PTPRT: variants seen among roughly 807,000 people sequenced by gnomAD.
PTPRT encodes the protein receptor-type tyrosine-protein phosphatase T.
PTPRT carries 56 observed loss-of-function variants against 176.8 expected under a neutral mutation model. The ratio of observed to expected loss-of-function variants is 0.32; its 90% confidence interval spans 0.26 to 0.40. The LOEUF is 0.40. Ranked by LOEUF, PTPRT falls within the 10% of genes least tolerant of loss-of-function variation. The pLI is 1.00. For missense variants in PTPRT, 1,540 were observed against 1,908.2 expected, an observed-to-expected ratio of 0.81 and a Z score of 3.60; for synonymous variants, 783 against 739.0, an observed-to-expected ratio of 1.06 and a Z score of -0.96.
chr20:43,092,591 T>C (rs1007707839), intron 1 of PTPRT, among the ~76,000 whole-genome samples: 2 of 152,230 alleles, frequency 1.3e-5, no homozygotes, highest in Non-Finnish European at 2.9e-5. Flanking sequence ...GGCCCCTATG[T>C]GGTTGAGTGC....
intron 13 of PTPRT, among the ~76,000 whole-genome samples, chr20:42,255,301 T>C (rs927366628): frequency 2.6e-5 from 4 of 152,170 alleles, no homozygotes; most frequent in Non-Finnish European, 4.4e-5. Context: ...AATTAGAAAA[T>C]GCCAAGTTCA....
rs6016962 is a variant in PTPRT at position 43,122,115 on chromosome 20, G to C, written c.88+67531C>G. ...CATCCTCAGGGTTCCTGATTCAGTA[G>C]GGCTGCGGTTAGGCCTGGGAATTTG... On this transcript the variant is annotated intron_variant, in intron 1 of 30. Transcript: ENST00000373187. Among the ~76,000 whole-genome samples, 842 of 152,290 alleles carry C rather than the reference G, an allele frequency of 5.5e-3. 9 individuals are homozygous for C. Among genetic ancestry groups the C allele is most frequent in the African/African-American group, 0.019 (807 of 41,552 alleles).
At chr20:42,311,412 A>G (rs2057626909) in intron 12 of PTPRT, among the ~76,000 whole-genome samples, 1 of 152,210 alleles carries the variant, frequency 6.6e-6, no homozygotes, top group African/African-American at 2.4e-5. Context: ...CATAGAACAA[A>G]GATGTCCAGA....
At chr20:42,285,697 C>A (rs2057217701) in intron 12 of PTPRT, among the ~76,000 whole-genome samples, 1 of 150,556 alleles carries the variant, frequency 6.6e-6, no homozygotes, top group African/African-American at 2.4e-5. Context: ...AGCAACTGGG[C>A]AAGAGAAAAA....
chr20:42,221,712 GT>G (rs1304292880), intron 15 of PTPRT, among the ~76,000 whole-genome samples: 2 of 151,876 alleles, frequency 1.3e-5, no homozygotes, highest in Non-Finnish European at 2.9e-5. Context: ...TAGTGATGGG[GT>G]TTCATCATGT....
chr20:42,359,152 T>C (rs2058397668), intron 9 of PTPRT, among the ~76,000 whole-genome samples: 1 of 152,168 alleles, frequency 6.6e-6, no homozygotes, highest in African/African-American at 2.4e-5. Flanking sequence ...ACTCTGTTGT[T>C]TCATAAGCTC....
chr20:43,046,768 A>C (rs1272753182), intron 1 of PTPRT, among the ~76,000 whole-genome samples: 1 of 152,176 alleles, frequency 6.6e-6, no homozygotes, highest in Admixed American at 6.5e-5. Flanking sequence ...ACACTTGTTC[A>C]ACTAAAATGA....
intron 7 of PTPRT, among the ~76,000 whole-genome samples, chr20:42,567,453 A>T (rs2073062443): frequency 6.6e-6 from 1 of 152,184 alleles, no homozygotes; most frequent in Non-Finnish European, 1.5e-5. Flanking sequence ...CTTTGACATT[A>T]TCTCCATTAA....
At chr20:42,846,436 C>T (rs928070716) in intron 2 of PTPRT, among the ~76,000 whole-genome samples, 1 of 152,110 alleles carries the variant, frequency 6.6e-6, no homozygotes, top group Admixed American at 6.6e-5. Context: ...TGAGACTGGC[C>T]CCATCTGTAC....
intron 29 of PTPRT, 44 bp downstream of exon 29, chr20:42,084,638 C>T (rs1238352184): frequency 7.3e-7 from 1 of 1,362,422 alleles, no homozygotes. Context: ...GATGCTCTAT[C>T]ACCCACCACC....
chr20:42,392,095 C>T (rs1362104841), intron 9 of PTPRT, among the ~76,000 whole-genome samples: 1 of 152,172 alleles, frequency 6.6e-6, no homozygotes, highest in Admixed American at 6.5e-5. Context: ...TGCCAACTCC[C>T]TACCTCACAG....
intron 7 of PTPRT, among the ~76,000 whole-genome samples, chr20:42,520,232 A>G (rs2072145988): frequency 6.6e-6 from 1 of 152,122 alleles, no homozygotes; most frequent in Admixed American, 6.6e-5. Flanking sequence ...TGTAAAATAT[A>G]GTATAACTAT....
chr20:43,149,889 C>G (rs2014293222), intron 1 of PTPRT, among the ~76,000 whole-genome samples: 1 of 152,152 alleles, frequency 6.6e-6, no homozygotes, highest in Non-Finnish European at 1.5e-5. Context: ...TGCATTCATT[C>G]AAAGAGGAGA....
rs1991277307 is a variant in PTPRT, at chr20:42,197,492, C to T, written c.2491+1748G>A. The stretch of plus-strand genomic sequence containing the variant: ...CTGAAAACCAAATACAATGTGAGCG[C>T]TCTGATTGGATCCTGGATTAAAATA... On this transcript the variant is annotated intron_variant, in intron 16 of 30. Transcript: ENST00000373187. 2.7e-5 allele frequency among the ~76,000 whole-genome samples: 4 copies of T among 150,408 alleles called. No individual in the cohort carries two copies. The South Asian group carries it at 8.4e-4, about 32-fold the overall frequency.
intron 2 of PTPRT, among the ~76,000 whole-genome samples, chr20:42,796,912 C>A (rs2077463021): frequency 6.6e-6 from 1 of 152,206 alleles, no homozygotes; most frequent in Non-Finnish European, 1.5e-5. Flanking sequence ...CAAGTACCAT[C>A]TTCTATAAAA....
intron 1 of PTPRT, among the ~76,000 whole-genome samples, chr20:42,940,621 A>G (rs974157536): frequency 7.9e-5 from 12 of 151,232 alleles, no homozygotes; most frequent in Admixed American, 1.3e-4. Context: ...TAGGTGGGGG[A>G]AAAAAAAAGA....
intron 1 of PTPRT, among the ~76,000 whole-genome samples, chr20:43,152,017 G>A (rs74537130): frequency 0.018 from 2,691 of 152,250 alleles, 33 homozygotes; most frequent in South Asian, 0.042. Context: ...TAAAGAATTT[G>A]GAGCTTCTTT....
At chr20:42,942,453 C>T (rs537739709) in intron 1 of PTPRT, among the ~76,000 whole-genome samples, 20 of 152,318 alleles carry the variant, frequency 1.3e-4, no homozygotes, top group African/African-American at 4.8e-4. Flanking sequence ...AGGCTGGGTA[C>T]CCCACCACGT....
intron 23 of PTPRT, among the ~76,000 whole-genome samples, chr20:42,108,378 C>CAATACTCATCT (rs1986677889): frequency 6.6e-6 from 1 of 152,052 alleles, no homozygotes; most frequent in Non-Finnish European, 1.5e-5. Context: ...CTCTGGGTTT[C>CAATACTCATCT]AATACTCATC....
Sources: allele counts gnomAD v4.1 joint callset (sites outside exome capture counted in the v4.1 genomes callset), GRCh38; gene constraint gnomAD v4.1.1; transcripts MANE v1.5; gene names NCBI Gene and HGNC (gene_info 2026-07-23, HGNC 2026-07-21).